Variants in AK2 observed in about 807,000 individuals in gnomAD.
AK2 encodes the protein adenylate kinase 2, mitochondrial.
A neutral mutation model predicts 24.6 loss-of-function variants in AK2; 15 were observed. The observed-to-expected ratio is 0.61, with a 90% CI of 0.41 to 0.94. The LOEUF is 0.94. AK2 is among the 40% of genes least tolerant of loss of function. The pLI, the probability that AK2 is intolerant of heterozygous loss-of-function variation, is 0.00. For synonymous variants in AK2, 102 were observed against 114.0 expected (o/e 0.90, Z 0.67); for missense variants, 257 against 304.1 (o/e 0.85, Z 1.15).
rs1458706674 is a variant in AK2, at chr1:33,012,412, CA to C, written c.*768del. On this transcript the variant is annotated 3_prime_UTR_variant, in exon 6 of 6. Coordinates refer to ENST00000672715, the MANE Select transcript of AK2 (RefSeq NM_001625.4). ...TGGGTTTTCATCATGGGTTAGAAAA[CA>C]AAATGGAATTCTCTGTCCATAATGT... The C allele has an allele frequency of 1.3e-6, 2 of 1,493,788 alleles. No individual in the cohort carries two copies. The highest frequency in any genetic ancestry group is 2.4e-5 in the South Asian group (2 of 82,780). The allele number at this position is 1,493,788 out of a possible 1,614,324, so 92.5% of individuals were successfully genotyped here. A position where few individuals can be genotyped will look rare whatever the true frequency, so the allele number is the denominator to read the frequency against.
Position 33,013,253 on chromosome 1 carries a change from G to C in AK2, c.648C>G (p.Pro216=), listed in dbSNP as rs201622956. The change falls in exon 6 of 6, where the codon CCC becomes CCG. Residue 216 remains proline (P), a synonymous_variant. Transcript: ENST00000672715. ...IHSAIDASQT[P]DVVFASILAA... ...CTAGGATGCTTGCGAACACGACATC[G>C]GGGGTCTGGGATGCATCGATGGCGG... The C allele has an allele frequency of 1.2e-6, 2 of 1,607,572 alleles. No homozygotes were observed. The highest frequency in any genetic ancestry group is 1.4e-5 in the African/African-American group (1 of 73,982).
chr1:33,035,028 A>G (rs925469583), intron 1 of AK2, among the ~76,000 whole-genome samples: 1 of 152,158 alleles, frequency 6.6e-6, no homozygotes, highest in African/African-American at 2.4e-5. Flanking sequence ...TCTCAAAAAA[A>G]AGAAAAAGAA....
chr1:33,027,725 T>C (rs541081436), intron 1 of AK2, among the ~76,000 whole-genome samples: 65 of 139,928 alleles, frequency 4.6e-4, no homozygotes, highest in African/African-American at 1.7e-3. Flanking sequence ...CCAGCCTGGG[T>C]GACAGAGCAA....
chr1:33,030,591 G>T (rs990093176), intron 1 of AK2, among the ~76,000 whole-genome samples: 1 of 152,044 alleles, frequency 6.6e-6, no homozygotes, highest in African/African-American at 2.4e-5. Flanking sequence ...CCCTTCTTCC[G>T]CTGAGGATTC....
rs1638933013 is a variant in AK2 at position 33,013,075 on chromosome 1, A to C, written c.*106T>G. 1 of 1,608,206 alleles carries C rather than the reference A, an allele frequency of 6.2e-7. No homozygotes were observed. The highest frequency in any genetic ancestry group is 1.3e-5 in the African/African-American group (1 of 75,044). On this transcript the variant is annotated 3_prime_UTR_variant, in exon 6 of 6. Coordinates refer to ENST00000672715, the MANE Select transcript of AK2 (RefSeq NM_001625.4). Reference sequence around the variant, plus strand: ...AAGCAAGTGCTTTTTTAATCAATACATCAAATGATATTTTTGCTAGCCTGA... The same window carrying C: ...AAGCAAGTGCTTTTTTAATCAATACCTCAAATGATATTTTTGCTAGCCTGA...
chr1:33,024,410 A>G (rs751577501), intron 2 of AK2, 32 bp downstream of exon 2: 3 of 1,612,304 alleles, frequency 1.9e-6, no homozygotes, highest in Non-Finnish European at 2.5e-6. Context: ...ATTCTGAGGA[A>G]TATCAACACT....
In AK2 at chr1:33,012,784, C is replaced by A. The variant is rs1043707016; in HGVS notation, c.*397G>T. ...TTGTGGCATGCACCTGTAGTCCCAG[C>A]TGCTCAGGAGGCTGAGGTGGGATAA... is the stretch of plus-strand genomic sequence containing the variant. On this transcript the variant is annotated 3_prime_UTR_variant, in exon 6 of 6. Transcript: ENST00000672715. 3.7e-5 allele frequency: 37 copies of A among 989,626 alleles called. No individual in the cohort carries two copies. The highest frequency in any genetic ancestry group is 5.2e-5 in the Non-Finnish European group (37 of 716,868). 61.3% of individuals were successfully genotyped at this position (989,626 alleles called of 1,614,324 possible).
chr1:33,008,777 C>G lies in AK2; in HGVS notation c.*4404G>C, dbSNP rs1010265210. 1.1e-5 allele frequency: 5 copies of G among 453,938 alleles called. No individual in the cohort carries two copies. The highest frequency in any genetic ancestry group is 2.2e-5 in the Non-Finnish European group (5 of 226,788). The allele number at this position is 453,938 out of a possible 1,614,324, so 28.1% of individuals were successfully genotyped here. A position where few individuals can be genotyped will look rare whatever the true frequency, so the allele number is the denominator to read the frequency against. ...GTTACATGAAGCCTTTGCATAATAC[C>G]TGGCACAACGTCAGTCTTCCGGGAG... On this transcript the variant is annotated 3_prime_UTR_variant, in exon 6 of 6. Transcript: ENST00000672715.
rs1308698277 is a variant in AK2 at position 33,009,810 on chromosome 1, C to A, written c.*3371G>T. 2.2e-6 allele frequency: 1 copy of A among 454,470 alleles called. No homozygotes were observed. The highest frequency in any genetic ancestry group is 1.6e-5 in the South Asian group (1 of 64,482). 28.2% of individuals were successfully genotyped at this position (454,470 alleles called of 1,614,324 possible). A position where few individuals can be genotyped will look rare whatever the true frequency, so the allele number is the denominator to read the frequency against. On this transcript the variant is annotated 3_prime_UTR_variant, in exon 6 of 6. Coordinates refer to ENST00000672715, the MANE Select transcript of AK2 (RefSeq NM_001625.4). ...ATATGCACATACTTGGACCTCCCTACCACACAGCTGCCAGCGACAAGAAAG... is the reference window on the plus strand; with the variant it reads ...ATATGCACATACTTGGACCTCCCTAACACACAGCTGCCAGCGACAAGAAAG...
chr1:33,034,610 G>A (rs1201599970), intron 1 of AK2, among the ~76,000 whole-genome samples: 1 of 152,174 alleles, frequency 6.6e-6, no homozygotes, highest in South Asian at 2.1e-4. Context: ...AATGAGCAAG[G>A]TAGGTATTAT....
rs1231592377 is a variant in AK2, at chr1:33,024,489, A to G, written c.172T>C (p.Ser58Pro). Residue 58 changes from serine (S) to proline (P), a missense_variant, in exon 2 of 6, where the codon TCA becomes CCA. Physicochemically the swap from Ser to Pro is moderately conservative, Grantham distance 74. Transcript: ENST00000672715. Reference sequence around the variant, plus strand: ...GCCTTCAGCTTTTTTCCTAGCTCTGAGCCAGAAGCCACCATGGCCCTCAGC... The same window carrying G: ...GCCTTCAGCTTTTTTCCTAGCTCTGGGCCAGAAGCCACCATGGCCCTCAGC... ...DMLRAMVASGSELGKKLKATM... is the reference protein window; with the variant it reads ...DMLRAMVASGPELGKKLKATM... The G allele has an allele frequency of 1.2e-6, 2 of 1,614,214 alleles. No individual in the cohort carries two copies. Among genetic ancestry groups the G allele is most frequent in the Non-Finnish European group, 1.7e-6 (2 of 1,180,038 alleles).
intron 1 of AK2, 74 bp from the exon 2 acceptor site, chr1:33,024,641 C>T: frequency 6.3e-7 from 1 of 1,588,764 alleles, no homozygotes; most frequent in Non-Finnish European, 8.6e-7. Context: ...AGGTGTGAAC[C>T]TGGCCCTGCC....
At chr1:33,016,820 C>T (rs1639220695) in intron 4 of AK2, among the ~76,000 whole-genome samples, 1 of 152,006 alleles carries the variant, frequency 6.6e-6, no homozygotes, top group East Asian at 1.9e-4. Context: ...ATTCTCCTGC[C>T]TCAGCCTCCT....
Position 33,009,113 on chromosome 1 carries a change from A to G in AK2, c.*4068T>C, listed in dbSNP as rs548205481. 2 of 453,320 alleles carry G rather than the reference A, an allele frequency of 4.4e-6. No homozygotes were observed. The highest frequency in any genetic ancestry group is 8.8e-6 in the Non-Finnish European group (2 of 226,386). The allele number at this position is 453,320 out of a possible 1,614,324, so 28.1% of individuals were successfully genotyped here. A position where few individuals can be genotyped will look rare whatever the true frequency, so the allele number is the denominator to read the frequency against. On this transcript the variant is annotated 3_prime_UTR_variant, in exon 6 of 6. Transcript: ENST00000672715. The stretch of plus-strand genomic sequence containing the variant: ...GAGCAGAAGAGGGAGGGGCTGGTTC[A>G]GGGAACAGGATTTAATATGTCAGTG...
chr1:33,020,127 CGT>C, intron 4 of AK2: 1 of 1,533,200 alleles, frequency 6.5e-7, no homozygotes, highest in East Asian at 2.5e-5. Context: ...TCAGAACAAA[CGT>C]GTCCAGAAGC....
At position 33,009,930 on chromosome 1, in the gene AK2, A is replaced by C; in HGVS notation, c.*3251T>G. 4.6e-6 allele frequency: 2 copies of C among 437,510 alleles called. No homozygotes were observed. Among genetic ancestry groups the C allele is most frequent in the Non-Finnish European group, 9.1e-6 (2 of 219,494 alleles). 27.1% of individuals were successfully genotyped at this position (437,510 alleles called of 1,614,324 possible). Reference sequence around the variant, plus strand: ...TGCCACAACAGGGGATACAAATTTTAACATATTTTATTGATTTAGGGGCCA... The same window carrying C: ...TGCCACAACAGGGGATACAAATTTTCACATATTTTATTGATTTAGGGGCCA... On this transcript the variant is annotated 3_prime_UTR_variant, in exon 6 of 6. Transcript: ENST00000672715.
At position 33,008,142 on chromosome 1, in the gene AK2, C is replaced by T; in HGVS notation, c.*5039G>A. On this transcript the variant is annotated 3_prime_UTR_variant, in exon 6 of 6. Coordinates refer to ENST00000672715, the MANE Select transcript of AK2 (RefSeq NM_001625.4). ...ACTTTCTTCAATGCCTACATTTTCC[C>T]TCTGAATTCCATCTGTGTTTACTAA... 1 of 454,128 alleles carries T rather than the reference C, an allele frequency of 2.2e-6. No individual in the cohort carries two copies. Among genetic ancestry groups the T allele is most frequent in the Non-Finnish European group, 4.4e-6 (1 of 226,824 alleles). The allele number at this position is 454,128 out of a possible 1,614,324, so 28.1% of individuals were successfully genotyped here. A position where few individuals can be genotyped will look rare whatever the true frequency, so the allele number is the denominator to read the frequency against.
intron 1 of AK2, among the ~76,000 whole-genome samples, chr1:33,027,059 G>A (rs1015817289): frequency 2.0e-5 from 3 of 152,136 alleles, no homozygotes; most frequent in Non-Finnish European, 4.4e-5. Flanking sequence ...CCAGAAGGTG[G>A]AAGTTGCGGC....
At chr1:33,031,806 G>A (rs1392610525) in intron 1 of AK2, 1 of 398,814 alleles carries the variant, frequency 2.5e-6, no homozygotes, top group Non-Finnish European at 5.1e-6. Context: ...TGGAAGAAAT[G>A]AGGAGGGGTT....
Sources: allele counts gnomAD v4.1 joint callset (sites outside exome capture counted in the v4.1 genomes callset), GRCh38; gene constraint gnomAD v4.1.1; transcripts MANE v1.5; gene names NCBI Gene and HGNC (gene_info 2026-07-23, HGNC 2026-07-21).